The following CSRNP3 variants were observed in gnomAD, a reference collection of about 807,000 sequenced individuals.
CSRNP3 encodes cysteine and serine rich nuclear protein 3.
In CSRNP3, 12 loss-of-function variants were observed where a neutral mutation model predicts 48.0. The ratio of observed to expected loss-of-function variants is 0.25; its 90% confidence interval spans 0.16 to 0.41. The LOEUF (loss-of-function observed/expected upper bound fraction) is 0.41. CSRNP3 is among the 10% of genes least tolerant of loss of function. CSRNP3 has a pLI of 1.00. For synonymous variants in CSRNP3, 263 were observed against 269.7 expected (o/e 0.98, Z 0.24); for missense variants, 580 against 724.4 (o/e 0.80, Z 2.29).
intron 3 of CSRNP3, among the ~76,000 whole-genome samples, chr2:165,559,676 A>G (rs1685204738): frequency 6.6e-6 from 1 of 152,082 alleles, no homozygotes; most frequent in Non-Finnish European, 1.5e-5. Flanking sequence ...GTAAAATAAT[A>G]CAATTAAGAC....
At chr2:165,612,376 T>G (rs1027439142) in intron 4 of CSRNP3, among the ~76,000 whole-genome samples, 1 of 152,076 alleles carries the variant, frequency 6.6e-6, no homozygotes, top group Non-Finnish European at 1.5e-5. Flanking sequence ...CAGTAGTGTG[T>G]CTATACTTCA....
chr2:165,511,405 A>G (rs1359211020), intron 2 of CSRNP3, among the ~76,000 whole-genome samples: 2 of 152,176 alleles, frequency 1.3e-5, no homozygotes, highest in African/African-American at 4.8e-5. Flanking sequence ...TAAAATGGAG[A>G]AAAATGATGA....
intron 2 of CSRNP3, among the ~76,000 whole-genome samples, chr2:165,516,904 T>C (rs1272350542): frequency 6.6e-6 from 1 of 152,126 alleles, no homozygotes; most frequent in Non-Finnish European, 1.5e-5. Flanking sequence ...ATTTTGATAT[T>C]TTGTTTGTTC....
chr2:165,667,908 A>G (rs1687261629), intron 5 of CSRNP3, among the ~76,000 whole-genome samples: 4 of 152,212 alleles, frequency 2.6e-5, no homozygotes, highest in African/African-American at 2.4e-5. Flanking sequence ...TTGTACATCT[A>G]TAAAACTCCA....
intron 1 of CSRNP3, among the ~76,000 whole-genome samples, chr2:165,473,370 C>G (rs1415092993): frequency 6.6e-6 from 1 of 151,958 alleles, no homozygotes; most frequent in Non-Finnish European, 1.5e-5. Flanking sequence ...GGCAAATAAC[C>G]TCTTATTGCT....
At chr2:165,505,466 A>C (rs1465163872) in intron 2 of CSRNP3, among the ~76,000 whole-genome samples, 1 of 152,168 alleles carries the variant, frequency 6.6e-6, no homozygotes, top group Non-Finnish European at 1.5e-5. Context: ...TTATTGAAGT[A>C]GGATAAAATA....
At chr2:165,600,070 C>T in intron 4 of CSRNP3, among the ~76,000 whole-genome samples, 4 of 144,764 alleles carry the variant, frequency 2.8e-5, no homozygotes, top group African/African-American at 1.0e-4. Context: ...TCTCCTAAAG[C>T]TATCCCTCCC....
At chr2:165,470,574 AT>A (rs35452666) in intron 1 of CSRNP3, among the ~76,000 whole-genome samples, 65 of 151,342 alleles carry the variant, frequency 4.3e-4, no homozygotes, top group East Asian at 4.3e-3. Context: ...TCTCTAGGCA[AT>A]TTTTTTTTAG....
intron 3 of CSRNP3, 77 bp downstream of exon 3, chr2:165,518,038 A>C (rs1029376056): frequency 6.6e-6 from 1 of 152,298 alleles, no homozygotes; most frequent in Non-Finnish European, 1.5e-5. Context: ...TCAAGTTTCT[A>C]ATGTGTAATT....
chr2:165,644,378 G>A (rs1441505059), intron 4 of CSRNP3, among the ~76,000 whole-genome samples: 1 of 152,158 alleles, frequency 6.6e-6, no homozygotes, highest in Non-Finnish European at 1.5e-5. Flanking sequence ...GGCTTCAGGG[G>A]AGAACTGTTG....
At chr2:165,564,307 T>C (rs1685271336) in intron 3 of CSRNP3, among the ~76,000 whole-genome samples, 1 of 113,076 alleles carries the variant, frequency 8.8e-6, no homozygotes, top group African/African-American at 3.1e-5. Context: ...ATTTAAACAA[T>C]ATTCTGTTAA....
chr2:165,513,111 A>G (rs954606066), intron 2 of CSRNP3, among the ~76,000 whole-genome samples: 2 of 151,472 alleles, frequency 1.3e-5, no homozygotes, highest in African/African-American at 4.9e-5. Context: ...TCTCAAAAAG[A>G]AAAAAAAATA....
chr2:165,652,745 CG>C (rs1558962649), intron 4 of CSRNP3, among the ~76,000 whole-genome samples: 1 of 151,904 alleles, frequency 6.6e-6, no homozygotes, highest in African/African-American at 2.4e-5. Flanking sequence ...GGTTTCGCCA[CG>C]TTGCTCAGGC....
At chr2:165,591,625 C>T (rs550936638) in intron 3 of CSRNP3, among the ~76,000 whole-genome samples, 21 of 152,276 alleles carry the variant, frequency 1.4e-4, no homozygotes, top group Admixed American at 1.0e-3. Context: ...GTCCCAGCTG[C>T]TTCAGCTCCA....
rs766572523 is a variant in CSRNP3 at position 165,679,300 on chromosome 2, G to T, written c.1305G>T (p.Leu435=). ...CTTTTTATGCCAACTCTTCAACTCT[G>T]TATTACCAAATAGATAGCCACATTC... ...NASFYANSST[L]YYQIDSHIPG... The change falls in exon 7 of 7, where the codon CTG becomes CTT. Residue 435 remains leucine (L), a synonymous_variant. Transcript: ENST00000651982. 16 of 1,613,704 alleles carry T rather than the reference G, an allele frequency of 9.9e-6. No homozygotes were observed. The highest frequency in any genetic ancestry group is 8.9e-5 in the East Asian group (4 of 44,870).
Position 165,666,391 on chromosome 2 carries a change from GAA to G in CSRNP3, c.408+8373_408+8374del, listed in dbSNP as rs372401078. Among the ~76,000 whole-genome samples the G allele has an allele frequency of 5.3e-3, 388 of 73,558 alleles. 5 individuals carry two copies. Among genetic ancestry groups the G allele is most frequent in the South Asian group, 8.3e-3 (13 of 1,560 alleles). The allele number at this position is 73,558 out of a possible 152,430, so 48.3% of individuals were successfully genotyped here. On this transcript the variant is annotated intron_variant, in intron 5 of 6. Transcript: ENST00000651982. Reference sequence around the variant, plus strand: ...AGAGAGAGGAAGAAAGAGAGAGAGAGAAAGGAAGGAAGGGAGGAAAGAGAGAG... The same window carrying G: ...AGAGAGAGGAAGAAAGAGAGAGAGAGAGGAAGGAAGGGAGGAAAGAGAGAG...
At position 165,593,076 on chromosome 2, in the gene CSRNP3, C is replaced by T. The variant is rs1558943924; in HGVS notation, c.-23-1967C>T. 5.9e-5 allele frequency among the ~76,000 whole-genome samples: 9 copies of T among 152,230 alleles called. No homozygotes were observed. In the South Asian group the frequency reaches 1.7e-3, roughly 28 times the overall value. On this transcript the variant is annotated intron_variant, in intron 3 of 6. Coordinates refer to ENST00000651982, the MANE Select transcript of CSRNP3 (RefSeq NM_001172173.2). ...TCGGCCTCCCAAAGTGCTGGGATTA[C>T]AGGCGTGAGCCACCGCGCCCGGCCT...
chr2:165,586,953 A>G (rs938497042), intron 3 of CSRNP3, among the ~76,000 whole-genome samples: 4 of 152,200 alleles, frequency 2.6e-5, no homozygotes, highest in African/African-American at 9.7e-5. Context: ...TTCCCTTTGA[A>G]CTCACCATTA....
Position 165,582,838 on chromosome 2 carries a change from C to T in CSRNP3, c.-23-12205C>T, listed in dbSNP as rs1033412652. ...TCTCAAACTGCAAATCATCAAACTG[C>T]GGAAATGTTGTGATCTACCGCATAT... On this transcript the variant is annotated intron_variant, in intron 3 of 6. Transcript: ENST00000651982. 2.6e-5 allele frequency among the ~76,000 whole-genome samples: 4 copies of T among 152,142 alleles called. 1 individual carries two copies. Among genetic ancestry groups the T allele is most frequent in the Admixed American group, 6.5e-5 (1 of 15,268 alleles).
Sources: gnomAD v4.1 joint callset for allele counts (sites outside exome capture counted in the v4.1 genomes callset) on GRCh38, gnomAD v4.1.1 for gene constraint, MANE v1.5 for transcripts, NCBI Gene and HGNC (gene_info 2026-07-23, HGNC 2026-07-21) for gene names.